The following FOXP2 variants were observed in gnomAD, a reference collection of about 807,000 sequenced individuals.
FOXP2 encodes forkhead box protein P2.
A neutral mutation model predicts 115.8 loss-of-function variants in FOXP2; 12 were observed. The ratio of observed to expected loss-of-function variants is 0.10; its 90% confidence interval spans 0.07 to 0.17. The LOEUF (loss-of-function observed/expected upper bound fraction) is 0.17, where lower values mean the gene tolerates loss of function less well. FOXP2 is among the 10% of genes least tolerant of loss of function. The pLI is 1.00. For missense variants in FOXP2, 629 were observed against 843.5 expected (o/e 0.75, Z 3.15); for synonymous variants, 328 against 297.7 (o/e 1.10, Z -1.05).
At chr7:114,591,387 A>T (rs1171411518) in intron 3 of FOXP2, among the ~76,000 whole-genome samples, 1 of 152,136 alleles carries the variant, frequency 6.6e-6, no homozygotes, top group Non-Finnish European at 1.5e-5. Flanking sequence ...TCCAGTTTAA[A>T]TAAGATTAAG....
intron 1 of FOXP2, among the ~76,000 whole-genome samples, chr7:114,424,881 C>G (rs1793773613): frequency 6.6e-6 from 1 of 150,618 alleles, no homozygotes; most frequent in Admixed American, 6.7e-5. Flanking sequence ...CTTTGCTAGT[C>G]CAGCTATTGA....
At chr7:114,178,450 C>T (rs1192373409) in intron 1 of FOXP2, among the ~76,000 whole-genome samples, 1 of 151,918 alleles carries the variant, frequency 6.6e-6, no homozygotes. Context: ...TGGATATACA[C>T]ATTTTGTGAC....
intron 1 of FOXP2, among the ~76,000 whole-genome samples, chr7:114,189,121 C>G (rs1366107274): frequency 6.6e-6 from 1 of 152,084 alleles, no homozygotes; most frequent in South Asian, 2.1e-4. Flanking sequence ...TACACCTTCC[C>G]TCTGCCATAT....
chr7:114,478,814 G>A (rs1007905047), intron 2 of FOXP2, among the ~76,000 whole-genome samples: 1 of 151,594 alleles, frequency 6.6e-6, no homozygotes, highest in African/African-American at 2.4e-5. Context: ...TGATATATTG[G>A]TGACTTGGTT....
intron 15 of FOXP2, 114 bp downstream of exon 15, chr7:114,663,633 T>C: frequency 1.2e-6 from 1 of 848,368 alleles, no homozygotes; most frequent in Non-Finnish European, 1.9e-6. Context: ...TGGTTTATCA[T>C]CCAAGTTGTA....
intron 1 of FOXP2, among the ~76,000 whole-genome samples, chr7:114,130,213 C>T (rs902078978): frequency 2.6e-5 from 4 of 152,232 alleles, no homozygotes; most frequent in Middle Eastern, 3.4e-3. Context: ...GCCCCAGCTA[C>T]GCAGGAGACT....
intron 2 of FOXP2, among the ~76,000 whole-genome samples, chr7:114,310,324 G>T (rs1225423403): frequency 7.9e-5 from 12 of 152,146 alleles, no homozygotes; most frequent in Non-Finnish European, 1.3e-4. Context: ...ATGCCACTAG[G>T]TCTAGGCTAG....
At chr7:114,565,302 T>G (rs568688845) in intron 3 of FOXP2, among the ~76,000 whole-genome samples, 99 of 152,292 alleles carry the variant, frequency 6.5e-4, no homozygotes, top group Non-Finnish European at 1.2e-3. Flanking sequence ...TATATCCACA[T>G]GGCTAATATA....
intron 3 of FOXP2, among the ~76,000 whole-genome samples, chr7:114,596,792 T>C (rs1362441297): frequency 6.6e-6 from 1 of 152,022 alleles, no homozygotes; most frequent in African/African-American, 2.4e-5. Context: ...ATATTCTTAG[T>C]CTGGTATTTA....
At chr7:114,494,902 G>C (rs1270228075) in intron 2 of FOXP2, among the ~76,000 whole-genome samples, 1 of 152,056 alleles carries the variant, frequency 6.6e-6, no homozygotes, top group Non-Finnish European at 1.5e-5. Flanking sequence ...TATCAGTTTT[G>C]TTTTACTTTA....
rs1024707488 is a variant in FOXP2, at chr7:114,334,393, A to G, written c.-11+46284A>G. On this transcript the variant is annotated intron_variant, in intron 2 of 17. Coordinates refer to the FOXP2 transcript ENST00000634411. The stretch of plus-strand genomic sequence containing the variant: ...CAAACTTCTGAGCTAAAAAAAAAAA[A>G]AATCTGTTAATTTAATGACCCTAGA... Among the ~76,000 whole-genome samples, 13 of 152,150 alleles carry G rather than the reference A, an allele frequency of 8.5e-5. No individual in the cohort carries two copies. In the East Asian group the frequency reaches 2.3e-3, roughly 27 times the overall value.
At chr7:114,175,922 C>T (rs1279114546) in intron 1 of FOXP2, among the ~76,000 whole-genome samples, 1 of 152,106 alleles carries the variant, frequency 6.6e-6, no homozygotes, top group African/African-American at 2.4e-5. Context: ...TTTATTTCTT[C>T]AGATCTCACT....
chr7:114,457,695 G>A (rs112296810), intron 2 of FOXP2, among the ~76,000 whole-genome samples: 16 of 151,962 alleles, frequency 1.1e-4, no homozygotes, highest in Non-Finnish European at 1.9e-4. Context: ...TCAGGAGATC[G>A]AGACCATCCT....
At chr7:114,632,391 A>G (rs2129328570) in intron 6 of FOXP2, among the ~76,000 whole-genome samples, 1 of 152,332 alleles carries the variant, frequency 6.6e-6, no homozygotes, top group Admixed American at 6.5e-5. Flanking sequence ...GGAAATGGAA[A>G]GTTTTAAATT....
intron 2 of FOXP2, among the ~76,000 whole-genome samples, chr7:114,460,077 G>T (rs1387460305): frequency 6.6e-6 from 1 of 152,002 alleles, no homozygotes; most frequent in Non-Finnish European, 1.5e-5. Context: ...TTTTGGTTTG[G>T]TTTTTACCTA....
At chr7:114,544,177 T>C (rs909872106) in intron 3 of FOXP2, among the ~76,000 whole-genome samples, 1 of 152,068 alleles carries the variant, frequency 6.6e-6, no homozygotes, top group African/African-American at 2.4e-5. Context: ...TTTAAGGGAA[T>C]AGGGAAAGGC....
intron 1 of FOXP2, among the ~76,000 whole-genome samples, chr7:114,193,644 T>C (rs901808415): frequency 6.6e-6 from 1 of 152,120 alleles, no homozygotes; most frequent in African/African-American, 2.4e-5. Context: ...CTAGTAAGTA[T>C]GAGCAATTCC....
intron 10 of FOXP2, 135 bp downstream of exon 10, chr7:114,654,144 T>C: frequency 6.4e-7 from 1 of 1,551,722 alleles, no homozygotes; most frequent in Non-Finnish European, 8.7e-7. Flanking sequence ...TAAAATGTAA[T>C]CGCTTGTCAA....
At chr7:114,391,165 C>T (rs757591814) in intron 2 of FOXP2, among the ~76,000 whole-genome samples, 36 of 151,000 alleles carry the variant, frequency 2.4e-4, no homozygotes, top group African/African-American at 1.2e-4. Context: ...CCAGCCTTGG[C>T]GACAAGAGCA....
Sources: allele counts gnomAD v4.1 joint callset (sites outside exome capture counted in the v4.1 genomes callset), GRCh38; gene constraint gnomAD v4.1.1; transcripts MANE v1.5; gene names NCBI Gene and HGNC (gene_info 2026-07-23, HGNC 2026-07-21).